The following CLYBL variants were observed in gnomAD, a reference collection of about 807,000 sequenced individuals.
The protein encoded by CLYBL is citramalyl-CoA lyase, mitochondrial.
A neutral mutation model predicts 38.9 loss-of-function variants in CLYBL; 31 were observed. The observed-to-expected ratio is 0.80, with a 90% CI of 0.60 to 1.08. The LOEUF (loss-of-function observed/expected upper bound fraction) is 1.08. CLYBL is among the 50% of genes least tolerant of loss of function. CLYBL has a pLI of 0.00. For synonymous variants in CLYBL, 171 were observed against 158.6 expected (o/e 1.08, Z -0.59); for missense variants, 434 against 411.6 (o/e 1.05, Z -0.47).
intron 2 of CLYBL, among the ~76,000 whole-genome samples, chr13:99,837,888 C>T (rs1346236455): frequency 6.6e-6 from 1 of 152,184 alleles, no homozygotes; most frequent in African/African-American, 2.4e-5. Flanking sequence ...TCTCTACATA[C>T]CAAAACGTGT....
intron 2 of CLYBL, 78 bp downstream of exon 2, chr13:99,773,088 A>G: frequency 3.4e-6 from 4 of 1,193,246 alleles, no homozygotes; most frequent in Middle Eastern, 2.4e-4. Flanking sequence ...ATTGCCCGCT[A>G]TTTGGAAAGA....
At chr13:99,616,184 T>C (rs1227323199) in intron 1 of CLYBL, among the ~76,000 whole-genome samples, 5 of 146,562 alleles carry the variant, frequency 3.4e-5, no homozygotes, top group Admixed American at 2.1e-4. Context: ...GGTGAAGCTA[T>C]GTTGCCCAGA....
At chr13:99,692,011 C>T (rs978800921) in intron 1 of CLYBL, among the ~76,000 whole-genome samples, 2 of 152,136 alleles carry the variant, frequency 1.3e-5, no homozygotes, top group African/African-American at 2.4e-5. Flanking sequence ...AGTTTCAGAA[C>T]GTAGAAACTC....
intron 1 of CLYBL, among the ~76,000 whole-genome samples, chr13:99,725,117 T>C (rs2048451408): frequency 6.6e-6 from 1 of 152,232 alleles, no homozygotes; most frequent in Admixed American, 6.5e-5. Flanking sequence ...AGGCACGCAC[T>C]GCAGACAGCT....
At position 99,643,875 on chromosome 13, in the gene CLYBL, G is replaced by T. The variant is rs956429121; in HGVS notation, c.62+37118G>T. ...ACAAAAATTAACTGGGAGTGGTGGC[G>T]GCGCCTGTAATCCCAACTTTTCGGG... On this transcript the variant is annotated intron_variant, in intron 1 of 8. Coordinates refer to ENST00000339105, the MANE Select transcript of CLYBL (RefSeq NM_206808.5). Among the ~76,000 whole-genome samples the T allele has an allele frequency of 5.9e-5, 9 of 151,766 alleles. 1 individual carries two copies. Among genetic ancestry groups the T allele is most frequent in the South Asian group, 4.2e-4 (2 of 4,794 alleles).
chr13:99,729,195 C>T (rs1046942930), intron 1 of CLYBL, among the ~76,000 whole-genome samples: 1 of 152,144 alleles, frequency 6.6e-6, no homozygotes, highest in Non-Finnish European at 1.5e-5. Context: ...AAGTGTGAGG[C>T]CTAAAGAGGG....
intron 2 of CLYBL, among the ~76,000 whole-genome samples, chr13:99,845,999 TTA>T (rs1388909251): frequency 6.6e-6 from 1 of 150,740 alleles, no homozygotes; most frequent in Admixed American, 6.6e-5. Context: ...CATTTTTCAG[TTA>T]TAGTTTTCTT....
At chr13:99,676,423 C>T (rs1031065386) in intron 1 of CLYBL, among the ~76,000 whole-genome samples, 1 of 151,660 alleles carries the variant, frequency 6.6e-6, no homozygotes, top group African/African-American at 2.4e-5. Flanking sequence ...GTCTTAGCCA[C>T]TCGAGTAGCT....
chr13:99,621,243 C>T (rs1483826237), intron 1 of CLYBL, among the ~76,000 whole-genome samples: 1 of 152,168 alleles, frequency 6.6e-6, no homozygotes, highest in Non-Finnish European at 1.5e-5. Flanking sequence ...CGCTAAAGTC[C>T]AGGCCCCTTA....
At chr13:99,832,999 CATACATACATATATAT>C (rs763681371) in intron 2 of CLYBL, among the ~76,000 whole-genome samples, 5 of 53,704 alleles carry the variant, frequency 9.3e-5, no homozygotes, top group South Asian at 8.4e-4. Context: ...TATATACATA[CATACATACATATATAT>C]ATATATATAT....
downstream of CLYBL, among the ~76,000 whole-genome samples, chr13:99,900,235 T>G (rs2052626316): frequency 6.6e-6 from 1 of 152,164 alleles, no homozygotes; most frequent in Admixed American, 6.5e-5. Context: ...CCTTCATATT[T>G]ACTTTCATTA....
At chr13:99,816,815 G>A (rs572934407) in intron 2 of CLYBL, among the ~76,000 whole-genome samples, 3 of 152,278 alleles carry the variant, frequency 2.0e-5, no homozygotes, top group Admixed American at 2.0e-4. Flanking sequence ...CCAGTCTATG[G>A]TATTTTGTTA....
At chr13:99,878,496 A>C (rs899319187) in intron 7 of CLYBL, among the ~76,000 whole-genome samples, 11 of 152,256 alleles carry the variant, frequency 7.2e-5, no homozygotes, top group Admixed American at 3.3e-4. Context: ...CTTGGTTTTA[A>C]AAATAATTTT....
chr13:99,684,053 T>TTTTTTTG (rs55966057), intron 1 of CLYBL, among the ~76,000 whole-genome samples: 3 of 143,244 alleles, frequency 2.1e-5, no homozygotes, highest in Non-Finnish European at 4.6e-5. Context: ...TTTTTTTTTT[T>TTTTTTTG]GTATTTTTAA....
chr13:99,663,582 A>T (rs911625540), intron 1 of CLYBL, among the ~76,000 whole-genome samples: 4 of 152,152 alleles, frequency 2.6e-5, no homozygotes, highest in African/African-American at 9.7e-5. Flanking sequence ...TGTGGGGACC[A>T]TGCTGCCTGC....
At chr13:99,721,615 T>A (rs1208503869) in intron 1 of CLYBL, among the ~76,000 whole-genome samples, 4 of 146,782 alleles carry the variant, frequency 2.7e-5, no homozygotes, top group African/African-American at 1.0e-4. Flanking sequence ...CTCCTAATGC[T>A]GTCCCTCCCC....
intron 1 of CLYBL, among the ~76,000 whole-genome samples, chr13:99,670,415 T>C (rs548263002): frequency 4.5e-4 from 68 of 152,308 alleles, no homozygotes; most frequent in Admixed American, 9.1e-4. Context: ...ATCCAAGTTA[T>C]GTTACGTGGA....
chr13:99,764,366 C>T (rs1420891132), intron 1 of CLYBL, among the ~76,000 whole-genome samples: 2 of 152,020 alleles, frequency 1.3e-5, no homozygotes, highest in Non-Finnish European at 2.9e-5. Context: ...AGCCATTAGG[C>T]CATGTGGGGA....
chr13:99,822,471 G>A (rs2050606839), intron 2 of CLYBL, among the ~76,000 whole-genome samples: 1 of 152,142 alleles, frequency 6.6e-6, no homozygotes, highest in Non-Finnish European at 1.5e-5. Flanking sequence ...TGGTGCATTG[G>A]CAGGGGCAGG....
Sources: allele counts gnomAD v4.1 joint callset (sites outside exome capture counted in the v4.1 genomes callset), GRCh38; gene constraint gnomAD v4.1.1; transcripts MANE v1.5; gene names NCBI Gene and HGNC (gene_info 2026-07-23, HGNC 2026-07-21).